Variants in MAP4K5 observed in about 807,000 individuals in gnomAD.
The protein encoded by MAP4K5 is mitogen-activated protein kinase kinase kinase kinase 5, also known as MAPK/ERK kinase kinase kinase 5.
MAP4K5 carries 82 observed loss-of-function variants against 135.6 expected under a neutral mutation model. The observed-to-expected ratio is 0.60, with a 90% CI of 0.51 to 0.73. MAP4K5 has a LOEUF of 0.73. Ranked by LOEUF, MAP4K5 falls within the 30% of genes least tolerant of loss-of-function variation. The probability of loss-of-function intolerance (pLI) is 0.00; values close to 1 mark genes in which losing one functional copy is unlikely to be tolerated. For synonymous variants in MAP4K5, 347 were observed against 335.0 expected (o/e 1.04, Z -0.39); for missense variants, 907 against 1,010.9 (o/e 0.90, Z 1.39).
Position 50,509,969 on chromosome 14 carries a change from C to T in MAP4K5, c.109-5112G>A, listed in dbSNP as rs141799676. ...ACAAAAGTACACTCACAAATTGTGA[C>T]GGTTGAAAAATTCAAGATTATACAT... On this transcript the variant is annotated intron_variant, in intron 2 of 32. Coordinates refer to ENST00000682126, the MANE Select transcript of MAP4K5 (RefSeq NM_006575.6). 2.0e-3 allele frequency among the ~76,000 whole-genome samples: 307 copies of T among 152,250 alleles called. 1 individual carries two copies. Among genetic ancestry groups the T allele is most frequent in the African/African-American group, 6.7e-3 (278 of 41,558 alleles).
At chr14:50,485,909 A>G in intron 4 of MAP4K5, 195 bp downstream of exon 4, 3 of 540,550 alleles carry the variant, frequency 5.5e-6, no homozygotes, top group East Asian at 3.2e-5. Flanking sequence ...CAGATGAGGT[A>G]CAACTATAAA....
chr14:50,529,279 TG>T (rs1049701579), intron 2 of MAP4K5, among the ~76,000 whole-genome samples: 1 of 151,980 alleles, frequency 6.6e-6, no homozygotes, highest in East Asian at 1.9e-4. Context: ...GCCAGCTACT[TG>T]GGGGGCTGAG....
intron 14 of MAP4K5, among the ~76,000 whole-genome samples, chr14:50,452,465 A>C (rs2036511804): frequency 6.6e-6 from 1 of 152,156 alleles, no homozygotes; most frequent in African/African-American, 2.4e-5. Flanking sequence ...GGCATCCTAT[A>C]CATCTGGGAA....
chr14:50,481,738 C>A (rs536573417), intron 6 of MAP4K5, among the ~76,000 whole-genome samples: 52 of 152,156 alleles, frequency 3.4e-4, no homozygotes, highest in Non-Finnish European at 5.0e-4. Flanking sequence ...ATATTCATAA[C>A]CCATTTTAGC....
chr14:50,470,567 G>A (rs1246540806), intron 9 of MAP4K5, among the ~76,000 whole-genome samples: 8 of 151,498 alleles, frequency 5.3e-5, no homozygotes, highest in East Asian at 1.9e-4. Context: ...AAACAATTTG[G>A]AATATATGAA....
intron 2 of MAP4K5, among the ~76,000 whole-genome samples, chr14:50,509,956 T>A (rs12436806): frequency 0.14 from 21,323 of 152,226 alleles, 2,077 homozygotes; most frequent in East Asian, 0.53. Flanking sequence ...AAAAGTACAC[T>A]CACAAATTGT....
At chr14:50,458,385 T>G (rs778764498) in intron 13 of MAP4K5, among the ~76,000 whole-genome samples, 1 of 152,058 alleles carries the variant, frequency 6.6e-6, no homozygotes, top group Non-Finnish European at 1.5e-5. Flanking sequence ...CACAAAAAAA[T>G]CCTTCTCCAG....
chr14:50,515,549 T>C (rs1288568606), intron 2 of MAP4K5, among the ~76,000 whole-genome samples: 1 of 152,200 alleles, frequency 6.6e-6, no homozygotes, highest in African/African-American at 2.4e-5. Flanking sequence ...CTAATCTTGA[T>C]TAATTCCAAT....
chr14:50,472,455 C>T (rs1042338956), intron 9 of MAP4K5: 4 of 151,984 alleles, frequency 2.6e-5, no homozygotes, highest in Admixed American at 6.6e-5. Flanking sequence ...TGTTCCAGTT[C>T]CCTTTGAACA....
chr14:50,468,773 TG>T lies in MAP4K5; in HGVS notation c.551del (p.Pro184GlnfsTer6). ...SFIGTPYWMA[P>X]EVAAVEKNGG... ...CATTCTTCTCTACTGCTGCAACTTC[TG>T]GGGCCATCCTAGAAGGAATCAATGA... On this transcript the variant is annotated frameshift_variant, in exon 10 of 33. Coordinates refer to ENST00000682126, the MANE Select transcript of MAP4K5 (RefSeq NM_006575.6). LOFTEE classifies it high-confidence loss of function. 1 of 1,609,576 alleles carries T rather than the reference TG, an allele frequency of 6.2e-7. No homozygotes were observed. Among genetic ancestry groups the T allele is most frequent in the Non-Finnish European group, 8.5e-7 (1 of 1,177,636 alleles).
intron 5 of MAP4K5, among the ~76,000 whole-genome samples, chr14:50,485,288 T>A (rs966127179): frequency 6.6e-6 from 1 of 152,154 alleles, no homozygotes; most frequent in African/African-American, 2.4e-5. Flanking sequence ...AATTTTTTTT[T>A]ACAAGGAAAT....
intron 1 of MAP4K5, among the ~76,000 whole-genome samples, chr14:50,543,706 G>A (rs964425036): frequency 2.6e-5 from 4 of 152,148 alleles, no homozygotes; most frequent in African/African-American, 9.7e-5. Context: ...ATTATATGTT[G>A]TCATCTACTC....
At chr14:50,482,670 G>A (rs1209808001) in intron 5 of MAP4K5, 3 of 272,544 alleles carry the variant, frequency 1.1e-5, no homozygotes, top group South Asian at 5.2e-5. Context: ...CCAGCTACTC[G>A]GAAGGCTGAG....
At chr14:50,485,492 G>T in intron 5 of MAP4K5, 86 bp downstream of exon 5, 1 of 823,530 alleles carries the variant, frequency 1.2e-6, no homozygotes, top group Non-Finnish European at 2.0e-6. Flanking sequence ...AAGTCTACCT[G>T]TTAATTTCCG....
At chr14:50,555,202 C>T (rs1204057693) in intron 1 of MAP4K5, among the ~76,000 whole-genome samples, 3 of 152,220 alleles carry the variant, frequency 2.0e-5, no homozygotes, top group Admixed American at 2.0e-4. Flanking sequence ...CATCATGGAA[C>T]ATATGATAGA....
chr14:50,494,612 T>C (rs562847012), intron 3 of MAP4K5, among the ~76,000 whole-genome samples: 1 of 152,278 alleles, frequency 6.6e-6, no homozygotes, highest in African/African-American at 2.4e-5. Context: ...AGACTCTCCA[T>C]AGCCAAAACA....
At chr14:50,443,885 C>A in intron 19 of MAP4K5, 54 bp downstream of exon 19, 2 of 1,473,732 alleles carry the variant, frequency 1.4e-6, no homozygotes, top group East Asian at 2.4e-5. Context: ...ATGCCCCTTG[C>A]ATGATAAATA....
chr14:50,464,145 AAG>A lies in MAP4K5; in HGVS notation c.738-14_738-13del, dbSNP rs1421091035. The A allele has an allele frequency of 1.5e-6, 2 of 1,321,174 alleles. No individual in the cohort carries two copies. The highest frequency in any genetic ancestry group is 2.1e-6 in the Non-Finnish European group (2 of 942,408). 81.8% of individuals were successfully genotyped at this position (1,321,174 alleles called of 1,614,324 possible). On this transcript the variant is annotated splice_polypyrimidine_tract_variant and intron_variant, in intron 11 of 32. Transcript: ENST00000682126. ...GGAATGTTGATGACCTTAAAATAAAAAGAGACGTACAAAAATATTTCACTACT... is the reference window on the plus strand; with the variant it reads ...GGAATGTTGATGACCTTAAAATAAAAAGACGTACAAAAATATTTCACTACT...
chr14:50,549,041 G>T (rs1051080924), intron 1 of MAP4K5, among the ~76,000 whole-genome samples: 24 of 152,084 alleles, frequency 1.6e-4, no homozygotes, highest in African/African-American at 5.8e-4. Flanking sequence ...TACAACAAAG[G>T]GGTGCCCTGT....
Sources: allele counts gnomAD v4.1 joint callset (sites outside exome capture counted in the v4.1 genomes callset), GRCh38; gene constraint gnomAD v4.1.1; transcripts MANE v1.5; gene names NCBI Gene and HGNC (gene_info 2026-07-23, HGNC 2026-07-21).